The following MRGPRF variants were observed in gnomAD, a reference collection of about 807,000 sequenced individuals.
MRGPRF encodes mas-related G protein-coupled receptor member F.
A neutral mutation model predicts 3.3 loss-of-function variants in MRGPRF; 2 were observed. That is an observed-to-expected ratio of 0.61 (90% CI 0.25 to 1.92). The LOEUF (loss-of-function observed/expected upper bound fraction) is 1.92, where lower values mean the gene tolerates loss of function less well. Among genes scored for constraint, MRGPRF ranks in the 40% most tolerant of loss-of-function variants. The pLI is 0.16. For synonymous variants in MRGPRF, 242 were observed against 222.7 expected (o/e 1.09, Z -0.77); for missense variants, 500 against 476.0 (o/e 1.05, Z -0.47).
At position 69,005,763 on chromosome 11, in the gene MRGPRF, C is replaced by T. The variant is rs1227879038; in HGVS notation, c.547G>A (p.Val183Met). The T allele has an allele frequency of 1.3e-6, 2 of 1,547,546 alleles. No homozygotes were observed. Among genetic ancestry groups the T allele is most frequent in the East Asian group, 2.4e-5 (1 of 40,902 alleles). The part of the protein sequence containing the change: ...LVTCLHNYFC[V>M]FLGRGAPGAA... Reference sequence around the variant, plus strand: ...CCGGGGGCCCCGCGGCCCAGGAACACGCAGAAGTAGTTGTGCAGGCAGGTG... The same window carrying T: ...CCGGGGGCCCCGCGGCCCAGGAACATGCAGAAGTAGTTGTGCAGGCAGGTG... Residue 183 changes from valine to methionine, a missense_variant, in exon 3 of 3, where the codon GTG becomes ATG. Transcript: ENST00000309099.
chr11:69,008,185 G>A (rs1423968221), intron 2 of MRGPRF, among the ~76,000 whole-genome samples: 1 of 152,146 alleles, frequency 6.6e-6, no homozygotes, highest in East Asian at 1.9e-4. Context: ...ATCTTTAAAT[G>A]TTAACATTTA....
Position 69,005,394 on chromosome 11 carries a change from G to A in MRGPRF, c.916C>T (p.Leu306Phe), listed in dbSNP as rs1479718907. The A allele has an allele frequency of 1.9e-6, 3 of 1,577,754 alleles. No homozygotes were observed. The highest frequency in any genetic ancestry group is 2.6e-6 in the Non-Finnish European group (3 of 1,162,328). ...AGGGCCCGCTGGAAGACCACCCTGA[G>A]CGGCTCCCACAGCCGCTGCGACTTG... Reference protein sequence around the residue: ...RDKSQRLWEPLRVVFQRALRD... With the variant: ...RDKSQRLWEPFRVVFQRALRD... The change falls in exon 3 of 3, where the codon CTC becomes TTC. Residue 306 changes from leucine (L) to phenylalanine (F), a missense_variant. Physicochemically the swap from Leu to Phe is conservative, Grantham distance 22 (BLOSUM62 0). Transcript: ENST00000309099.
In MRGPRF at chr11:69,006,127, G is replaced by T. The variant is rs1173504084; in HGVS notation, c.183C>A (p.Gly61=). Residue 61 remains glycine (G), a synonymous_variant, in exon 3 of 3, where the codon GGC becomes GGA. Coordinates refer to ENST00000309099, the MANE Select transcript of MRGPRF (RefSeq NM_145015.5). Reference sequence around the variant, plus strand: ...CGAAAAACCAGAGGACCAGCCCGTTGCCCACCAGGCCACACAGGCAGAGGA... The same window carrying T: ...CGAAAAACCAGAGGACCAGCCCGTTTCCCACCAGGCCACACAGGCAGAGGA... ...FLLLCLCGLV[G]NGLVLWFFGF... 6.2e-7 allele frequency: 1 copy of T among 1,614,056 alleles called. No individual in the cohort carries two copies. The highest frequency in any genetic ancestry group is 1.1e-5 in the South Asian group (1 of 91,070).
chr11:69,011,363 G>A (rs1181488021), intron 1 of MRGPRF, among the ~76,000 whole-genome samples: 4 of 152,198 alleles, frequency 2.6e-5, no homozygotes, highest in African/African-American at 9.7e-5. Flanking sequence ...AGACCGCGCC[G>A]CTCTGCGCCT....
At chr11:69,009,418 G>C (rs1307543549) in intron 2 of MRGPRF, 7 of 488,418 alleles carry the variant, frequency 1.4e-5, no homozygotes, top group Non-Finnish European at 2.5e-5. Flanking sequence ...ACCCTGGCCT[G>C]GGGCAACACT....
At chr11:69,006,334 C>T in intron 2 of MRGPRF, 73 bp from the exon 3 acceptor site, 4 of 1,073,032 alleles carry the variant, frequency 3.7e-6, no homozygotes, top group Middle Eastern at 3.3e-4. Context: ...TGGGGCCCAG[C>T]GTGGGGGAGG....
chr11:69,004,985 C>T lies in MRGPRF; in HGVS notation c.*293G>A, dbSNP rs1860437810. 5.5e-6 allele frequency: 2 copies of T among 362,520 alleles called. No homozygotes were observed. Among genetic ancestry groups the T allele is most frequent in the East Asian group, 5.0e-5 (1 of 19,978 alleles). The allele number at this position is 362,520 out of a possible 1,614,324, so 22.5% of individuals were successfully genotyped here. A position where few individuals can be genotyped will look rare whatever the true frequency, so the allele number is the denominator to read the frequency against. On this transcript the variant is annotated 3_prime_UTR_variant, in exon 3 of 3. Coordinates refer to ENST00000309099, the MANE Select transcript of MRGPRF (RefSeq NM_145015.5). ...GTGTTGACCTCCTCTCTTTTACCAA[C>T]CAGCCTAGGGCAAGGAGGGGCCCCA...
chr11:69,010,274 T>G (rs1403784502), intron 1 of MRGPRF, among the ~76,000 whole-genome samples: 1 of 152,242 alleles, frequency 6.6e-6, no homozygotes, highest in Non-Finnish European at 1.5e-5. Flanking sequence ...ATACATTTAC[T>G]TCCCCACACA....
chr11:69,010,032 C>T, intron 1 of MRGPRF, 75 bp from the exon 2 acceptor site: 1 of 946,056 alleles, frequency 1.1e-6, no homozygotes, highest in East Asian at 2.6e-5. Flanking sequence ...GTGCCTAGGC[C>T]CCCAAGGCCT....
At position 69,005,137 on chromosome 11, in the gene MRGPRF, G is replaced by A. The variant is rs1288029488; in HGVS notation, c.*141C>T. ...CTCCCAGCCACCCCTGGAGTCCCCA[G>A]CCCAGGGAGAAGGAGGCCCGAGGAG... On this transcript the variant is annotated 3_prime_UTR_variant, in exon 3 of 3. Transcript: ENST00000309099. The A allele has an allele frequency of 2.6e-6, 3 of 1,133,984 alleles. No individual in the cohort carries two copies. The highest frequency in any genetic ancestry group is 3.6e-6 in the Non-Finnish European group (3 of 830,944). The allele number at this position is 1,133,984 out of a possible 1,614,324, so 70.2% of individuals were successfully genotyped here.
chr11:69,007,949 C>T (rs1860521465), intron 2 of MRGPRF, among the ~76,000 whole-genome samples: 3 of 152,314 alleles, frequency 2.0e-5, no homozygotes, highest in Admixed American at 1.3e-4. Flanking sequence ...ATCGGTCCTG[C>T]CCTCAGGGTC....
intron 1 of MRGPRF, chr11:69,012,452 A>G (rs1860618374): frequency 6.6e-6 from 1 of 152,294 alleles, no homozygotes; most frequent in Non-Finnish European, 1.5e-5. Flanking sequence ...CTTGGATTGA[A>G]GAGGCTTGTC....
chr11:69,012,705 G>T (rs1860623895), intron 1 of MRGPRF, among the ~76,000 whole-genome samples: 1 of 152,146 alleles, frequency 6.6e-6, no homozygotes, highest in South Asian at 2.1e-4. Flanking sequence ...TGAATGGCCA[G>T]TGAGGCTGGG....
At chr11:69,006,301 G>C in intron 2 of MRGPRF, 40 bp from the exon 3 acceptor site, 1 of 1,553,876 alleles carries the variant, frequency 6.4e-7, no homozygotes, top group African/African-American at 1.4e-5. Context: ...ATGCCGGCTG[G>C]CCCCCACCCA....
At chr11:69,011,529 G>C (rs1251024263) in intron 1 of MRGPRF, among the ~76,000 whole-genome samples, 1 of 152,184 alleles carries the variant, frequency 6.6e-6, no homozygotes, top group Non-Finnish European at 1.5e-5. Flanking sequence ...GCTGCGACCT[G>C]TATCTTAAGT....
rs780215458 is a variant in MRGPRF at position 69,006,295 on chromosome 11, CG to C, written c.49-35del. 1.9e-6 allele frequency: 3 copies of C among 1,558,428 alleles called. No individual in the cohort carries two copies. In the East Asian group the frequency reaches 6.8e-5, roughly 35 times the overall value. Reference sequence around the variant, plus strand: ...GTGCAGAGAGGGACACCTGTGATGCCGGCTGGCCCCCACCCACAGACCTGCA... The same window carrying C: ...GTGCAGAGAGGGACACCTGTGATGCCGCTGGCCCCCACCCACAGACCTGCA... On this transcript the variant is annotated intron_variant, in intron 2 of 2. Transcript: ENST00000309099.
intron 1 of MRGPRF, chr11:69,012,336 C>T (rs999172696): frequency 6.6e-6 from 1 of 152,438 alleles, no homozygotes; most frequent in South Asian, 2.1e-4. Flanking sequence ...CTGTCCCAGC[C>T]CCTCTCCTTA....
intron 2 of MRGPRF, among the ~76,000 whole-genome samples, chr11:69,007,572 A>T (rs553009320): frequency 2.6e-5 from 4 of 152,258 alleles, no homozygotes; most frequent in Non-Finnish European, 5.9e-5. Context: ...GAGAGAAAGC[A>T]CTTGTGGTGA....
At chr11:69,006,594 G>C (rs111367790) in intron 2 of MRGPRF, among the ~76,000 whole-genome samples, 2 of 148,276 alleles carry the variant, frequency 1.3e-5, no homozygotes, top group African/African-American at 5.0e-5. Flanking sequence ...CGTCCAAGTC[G>C]CACAAAAAAC....
Sources: allele counts gnomAD v4.1 joint callset (sites outside exome capture counted in the v4.1 genomes callset), GRCh38; gene constraint gnomAD v4.1.1; transcripts MANE v1.5; gene names NCBI Gene and HGNC (gene_info 2026-07-23, HGNC 2026-07-21).